Variants in RGS20 observed in about 807,000 individuals in gnomAD.
RGS20 encodes the protein regulator of G protein signaling 20.
RGS20 carries 30 observed loss-of-function variants against 33.6 expected under a neutral mutation model. The observed-to-expected ratio is 0.89, with a 90% CI of 0.67 to 1.21. The LOEUF (loss-of-function observed/expected upper bound fraction) is 1.21. Among genes scored for constraint, RGS20 ranks in the 50% most tolerant of loss-of-function variants. The pLI, the probability that RGS20 is intolerant of heterozygous loss-of-function variation, is 0.00. For synonymous variants in RGS20, 208 were observed against 197.9 expected (o/e 1.05, Z -0.43); for missense variants, 472 against 502.4 (o/e 0.94, Z 0.58).
At chr8:53,867,696 T>TTCCA (rs1811953766) in intron 1 of RGS20, among the ~76,000 whole-genome samples, 1 of 151,544 alleles carries the variant, frequency 6.6e-6, no homozygotes, top group South Asian at 2.1e-4. Context: ...CCTTCCTTCC[T>TTCCA]TCCTTCCTTT....
intron 1 of RGS20, among the ~76,000 whole-genome samples, chr8:53,860,326 C>T (rs554635794): frequency 6.6e-5 from 10 of 152,240 alleles, no homozygotes; most frequent in African/African-American, 2.4e-4. Context: ...CTATATTTGG[C>T]TTATATGATT....
At chr8:53,883,755 G>A (rs1349220015) in intron 2 of RGS20, among the ~76,000 whole-genome samples, 1 of 151,948 alleles carries the variant, frequency 6.6e-6, no homozygotes, top group Admixed American at 6.6e-5. Flanking sequence ...GGCCAGCCTG[G>A]CCAACATGGT....
chr8:53,925,553 G>A (rs1198288527), intron 2 of RGS20, among the ~76,000 whole-genome samples: 2 of 152,040 alleles, frequency 1.3e-5, no homozygotes, highest in Non-Finnish European at 2.9e-5. Context: ...CAAGGTGGGC[G>A]GATCACCTCA....
chr8:53,855,638 C>T (rs1255153991), intron 1 of RGS20, among the ~76,000 whole-genome samples: 1 of 152,178 alleles, frequency 6.6e-6, no homozygotes, highest in Non-Finnish European at 1.5e-5. Flanking sequence ...ATGTCATTTC[C>T]TGGTTTTGAT....
At chr8:53,900,326 G>A (rs1360848867) in intron 2 of RGS20, among the ~76,000 whole-genome samples, 1 of 151,926 alleles carries the variant, frequency 6.6e-6, no homozygotes, top group Non-Finnish European at 1.5e-5. Context: ...ATTTTTTTTA[G>A]AGACGGGGTC....
chr8:53,862,045 G>A (rs1169663347), intron 1 of RGS20, among the ~76,000 whole-genome samples: 1 of 152,066 alleles, frequency 6.6e-6, no homozygotes, highest in East Asian at 1.9e-4. Flanking sequence ...AGGGTGTGAG[G>A]AACAGGAGGC....
intron 2 of RGS20, among the ~76,000 whole-genome samples, chr8:53,906,583 G>T (rs1813186226): frequency 6.6e-6 from 1 of 152,178 alleles, no homozygotes; most frequent in African/African-American, 2.4e-5. Flanking sequence ...GAAACACGTT[G>T]TGTTAAATAC....
intron 4 of RGS20, among the ~76,000 whole-genome samples, chr8:53,949,640 A>G (rs1814653955): frequency 6.6e-6 from 1 of 151,430 alleles, no homozygotes; most frequent in Admixed American, 6.6e-5. Context: ...TTGCTTGAAC[A>G]CTGGAGGCAG....
intron 2 of RGS20, among the ~76,000 whole-genome samples, chr8:53,938,553 AATAAAT>A (rs1216819675): frequency 6.6e-6 from 1 of 152,198 alleles, no homozygotes; most frequent in African/African-American, 2.4e-5. Context: ...AAAAAATAAA[AATAAAT>A]AAAATAATTA....
intron 5 of RGS20, among the ~76,000 whole-genome samples, chr8:53,954,595 C>G (rs936758490): frequency 6.6e-6 from 1 of 151,416 alleles, no homozygotes; most frequent in African/African-American, 2.4e-5. Flanking sequence ...ACCTAGGAGG[C>G]AGAGGATGCA....
intron 2 of RGS20, among the ~76,000 whole-genome samples, chr8:53,923,629 T>A (rs1235264423): frequency 6.6e-6 from 1 of 152,098 alleles, no homozygotes; most frequent in East Asian, 1.9e-4. Context: ...TTTAAATGAT[T>A]GTTTTTTAAT....
intron 2 of RGS20, among the ~76,000 whole-genome samples, chr8:53,900,761 A>C (rs1464249409): frequency 6.6e-6 from 1 of 152,098 alleles, no homozygotes; most frequent in Non-Finnish European, 1.5e-5. Context: ...CTCTGACTGG[A>C]CACCCTATGC....
chr8:53,856,522 C>G (rs922821118), intron 1 of RGS20, among the ~76,000 whole-genome samples: 3 of 152,018 alleles, frequency 2.0e-5, no homozygotes, highest in Non-Finnish European at 4.4e-5. Flanking sequence ...CCCGGCTGAT[C>G]AGATTTCTTT....
chr8:53,934,288 G>A (rs1244777643), intron 2 of RGS20, among the ~76,000 whole-genome samples: 3 of 152,160 alleles, frequency 2.0e-5, no homozygotes, highest in Non-Finnish European at 4.4e-5. Flanking sequence ...CAGGCTAAAT[G>A]CCCCAATTAA....
intron 3 of RGS20, among the ~76,000 whole-genome samples, chr8:53,940,440 A>G (rs922729012): frequency 1.3e-4 from 20 of 152,356 alleles, no homozygotes; most frequent in African/African-American, 4.8e-5. Context: ...ACTTTCAGCA[A>G]TCAAATCATC....
At chr8:53,894,373 T>C (rs1022962096) in intron 2 of RGS20, among the ~76,000 whole-genome samples, 1 of 152,160 alleles carries the variant, frequency 6.6e-6, no homozygotes, top group African/African-American at 2.4e-5. Context: ...TGTAGAAAAC[T>C]AAAACCTCGA....
chr8:53,956,203 G>C (rs766719223), intron 5 of RGS20, among the ~76,000 whole-genome samples: 3 of 152,194 alleles, frequency 2.0e-5, no homozygotes, highest in Non-Finnish European at 4.4e-5. Context: ...GGAAGAGCAT[G>C]AAGTTGTGTG....
chr8:53,919,889 TTTTG>T (rs745901758), intron 2 of RGS20, among the ~76,000 whole-genome samples: 13 of 151,970 alleles, frequency 8.6e-5, no homozygotes, highest in South Asian at 4.2e-4. Flanking sequence ...TACTTAGATT[TTTTG>T]TTTGTTTGTT....
chr8:53,918,577 T>A (rs1813555438), intron 2 of RGS20, among the ~76,000 whole-genome samples: 1 of 151,878 alleles, frequency 6.6e-6, no homozygotes, highest in Non-Finnish European at 1.5e-5. Context: ...TTAGTAGAGA[T>A]GGGTTTCACT....
Sources: gnomAD v4.1 joint callset for allele counts (sites outside exome capture counted in the v4.1 genomes callset) on GRCh38, gnomAD v4.1.1 for gene constraint, MANE v1.5 for transcripts, NCBI Gene and HGNC (gene_info 2026-07-23, HGNC 2026-07-21) for gene names.